BABAM2: variants seen among roughly 807,000 people sequenced by gnomAD.
BABAM2 encodes the protein BRISC and BRCA1-A complex member 2.
A neutral mutation model predicts 54.7 loss-of-function variants in BABAM2; 31 were observed. The ratio of observed to expected loss-of-function variants is 0.57; its 90% CI spans 0.43 to 0.77. BABAM2 has a LOEUF of 0.77. Ranked by LOEUF, BABAM2 falls within the 30% of genes least tolerant of loss-of-function variation. The pLI is 0.00. For synonymous variants in BABAM2, 167 were observed against 162.9 expected (o/e 1.03, Z -0.19); for missense variants, 364 against 455.8 (o/e 0.80, Z 1.83).
At chr2:27,920,297 G>A (rs780576372) in intron 2 of BABAM2, among the ~76,000 whole-genome samples, 44 of 152,264 alleles carry the variant, frequency 2.9e-4, no homozygotes, top group Non-Finnish European at 5.0e-4. Flanking sequence ...GGCTGAATAT[G>A]TAAGATTCCA....
At chr2:27,973,643 G>A (rs1327414942) in intron 3 of BABAM2, among the ~76,000 whole-genome samples, 1 of 152,156 alleles carries the variant, frequency 6.6e-6, no homozygotes, top group East Asian at 1.9e-4. Context: ...GGGAGGCAGA[G>A]TACGGGGGAA....
chr2:28,125,964 A>G (rs1188272598), intron 6 of BABAM2, among the ~76,000 whole-genome samples: 2 of 152,232 alleles, frequency 1.3e-5, no homozygotes, highest in Non-Finnish European at 2.9e-5. Flanking sequence ...GCAAATGTGT[A>G]TATGTTTTTA....
intron 6 of BABAM2, among the ~76,000 whole-genome samples, chr2:28,057,516 A>G (rs1678525326): frequency 6.6e-6 from 1 of 151,966 alleles, no homozygotes; most frequent in Non-Finnish European, 1.5e-5. Context: ...TTAATCTGGA[A>G]CTACTTTCCT....
intron 2 of BABAM2, among the ~76,000 whole-genome samples, chr2:27,915,526 C>CT (rs1259304034): frequency 6.6e-6 from 1 of 151,956 alleles, no homozygotes; most frequent in Non-Finnish European, 1.5e-5. Context: ...CAAGCGCAAT[C>CT]TAAGAACGAA....
intron 7 of BABAM2, among the ~76,000 whole-genome samples, chr2:28,151,607 C>T (rs568297717): frequency 6.6e-6 from 1 of 152,142 alleles, no homozygotes; most frequent in Admixed American, 6.5e-5. Context: ...AAGAAAAAAG[C>T]ATCCCTTCCC....
intron 4 of BABAM2, among the ~76,000 whole-genome samples, chr2:28,011,042 A>G (rs528489921): frequency 6.6e-6 from 1 of 152,312 alleles, no homozygotes; most frequent in East Asian, 1.9e-4. Context: ...ATGGGGTTAG[A>G]TAGTGAGGAC....
chr2:28,155,589 C>T (rs1417316628), intron 7 of BABAM2, among the ~76,000 whole-genome samples: 1 of 152,044 alleles, frequency 6.6e-6, no homozygotes, highest in Non-Finnish European at 1.5e-5. Context: ...ATGGAAAAGC[C>T]TTGTGTTAAT....
At position 28,325,333 on chromosome 2, in the gene BABAM2, A is replaced by G. The variant is rs961505377; in HGVS notation, c.1089-13117A>G. Among the ~76,000 whole-genome samples the G allele has an allele frequency of 6.6e-6, 1 of 152,156 alleles. No individual in the cohort carries two copies. Among genetic ancestry groups the G allele is most frequent in the Non-Finnish European group, 1.5e-5 (1 of 68,032 alleles). On this transcript the variant is annotated intron_variant, in intron 11 of 11. Coordinates refer to ENST00000379624, the MANE Select transcript of BABAM2 (RefSeq NM_199191.3). This position sits in a 1 kb window ranked among gnomAD's most constrained non-coding sequence, Gnocchi z 4.3. ...TGATCCCTGCAGCCCAGCAGAGCAGATGCATCTCCTCCTCCTGTGCTTGCC... is the reference window on the plus strand; with the variant it reads ...TGATCCCTGCAGCCCAGCAGAGCAGGTGCATCTCCTCCTCCTGTGCTTGCC...
chr2:28,072,981 A>C (rs536775558), intron 6 of BABAM2, among the ~76,000 whole-genome samples: 8 of 152,194 alleles, frequency 5.3e-5, no homozygotes, highest in Non-Finnish European at 7.4e-5. Flanking sequence ...ATTTAAATTA[A>C]CTGGTAAATA....
intron 7 of BABAM2, among the ~76,000 whole-genome samples, chr2:28,130,947 G>A (rs539762176): frequency 3.9e-5 from 6 of 151,978 alleles, no homozygotes; most frequent in Admixed American, 3.3e-4. Flanking sequence ...CACCATGTTG[G>A]CCAAGCTGGT....
intron 7 of BABAM2, among the ~76,000 whole-genome samples, chr2:28,129,662 C>G (rs936787630): frequency 6.6e-6 from 1 of 152,146 alleles, no homozygotes; most frequent in African/African-American, 2.4e-5. Context: ...GAGACTCCTT[C>G]CAGATGTTCC....
chr2:28,240,599 G>T (rs1682319227), intron 8 of BABAM2, among the ~76,000 whole-genome samples: 1 of 152,124 alleles, frequency 6.6e-6, no homozygotes, highest in Admixed American at 6.6e-5. Flanking sequence ...GCCAGGCTCA[G>T]TGGCTCACAC....
intron 5 of BABAM2, among the ~76,000 whole-genome samples, chr2:28,045,224 A>G (rs923314150): frequency 6.6e-6 from 1 of 152,160 alleles, no homozygotes; most frequent in Non-Finnish European, 1.5e-5. Context: ...CTTTCAGGAG[A>G]TGAGAAACTT....
chr2:28,328,008 A>G (rs1690627106), intron 11 of BABAM2, among the ~76,000 whole-genome samples: 1 of 152,068 alleles, frequency 6.6e-6, no homozygotes, highest in Admixed American at 6.6e-5. Flanking sequence ...ACAAGCTCCC[A>G]TCGTGCCAGT....
chr2:27,901,288 G>A (rs1665777949), intron 2 of BABAM2, among the ~76,000 whole-genome samples: 1 of 152,098 alleles, frequency 6.6e-6, no homozygotes, highest in Non-Finnish European at 1.5e-5. Flanking sequence ...ATGTCTAAGT[G>A]TCTGTTCAGC....
At chr2:27,991,771 T>A (rs747727895) in intron 4 of BABAM2, among the ~76,000 whole-genome samples, 1 of 152,244 alleles carries the variant, frequency 6.6e-6, no homozygotes, top group Non-Finnish European at 1.5e-5. Context: ...TACTGCATTT[T>A]ATTTATCCAT....
intron 2 of BABAM2, among the ~76,000 whole-genome samples, chr2:27,902,767 T>C (rs563855128): frequency 6.6e-6 from 1 of 152,344 alleles, no homozygotes; most frequent in African/African-American, 2.4e-5. Flanking sequence ...GTATTACAAA[T>C]ATCTGCACAA....
chr2:28,209,080 T>G (rs763658589), intron 7 of BABAM2, among the ~76,000 whole-genome samples: 4 of 152,210 alleles, frequency 2.6e-5, no homozygotes, highest in Admixed American at 6.5e-5. Context: ...GCAAATTATT[T>G]GCAACAATAC....
At chr2:28,122,283 T>C (rs894888498) in intron 6 of BABAM2, among the ~76,000 whole-genome samples, 5 of 152,114 alleles carry the variant, frequency 3.3e-5, no homozygotes, top group African/African-American at 1.2e-4. Context: ...TTACACTTAA[T>C]TCTGAGTCTA....
Sources: gnomAD v4.1 joint callset for allele counts (sites outside exome capture counted in the v4.1 genomes callset) on GRCh38, gnomAD v4.1.1 for gene constraint, Gnocchi (gnomAD v3.1) non-coding constraint, MANE v1.5 for transcripts, NCBI Gene and HGNC (gene_info 2026-07-23, HGNC 2026-07-21) for gene names.